The following OSBPL10 variants were observed in gnomAD, a reference collection of about 807,000 sequenced individuals.
OSBPL10 encodes oxysterol-binding protein-related protein 10.
A neutral mutation model predicts 81.7 loss-of-function variants in OSBPL10; 49 were observed. The ratio of observed to expected loss-of-function variants is 0.60; its 90% CI spans 0.48 to 0.76. The LOEUF is 0.76. OSBPL10 is among the 30% of genes least tolerant of loss of function. The pLI, the probability that OSBPL10 is intolerant of heterozygous loss-of-function variation, is 0.00. For missense variants in OSBPL10, 923 were observed against 987.8 expected (o/e 0.93, Z 0.88); for synonymous variants, 419 against 383.6 (o/e 1.09, Z -1.08).
In OSBPL10 at chr3:31,989,389, A is replaced by G. The variant is rs199617465; in HGVS notation, n.298+57102T>C. 422 of 1,614,228 alleles carry G rather than the reference A, an allele frequency of 2.6e-4. 2 individuals are homozygous for G. The African/African-American group carries it at 4.9e-3, about 19-fold the overall frequency. On this transcript the variant is annotated intron_variant and non_coding_transcript_variant, in intron 2 of 3. Transcript: ENST00000479173. ...TCACATTGGAGATTTTTGCTTCCAG[A>G]AAATTGGGAAAGATATTCATGACTT...
intron 2 of OSBPL10, chr3:31,986,499 A>T (rs1317076505): frequency 6.6e-6 from 1 of 152,250 alleles, no homozygotes; most frequent in Non-Finnish European, 1.5e-5. Context: ...TAATCCCAGC[A>T]CTTTGGGAGG....
chr3:31,929,837 C>T (rs1048843431), intron 1 of OSBPL10, among the ~76,000 whole-genome samples: 2 of 151,304 alleles, frequency 1.3e-5, no homozygotes, highest in Non-Finnish European at 2.9e-5. Context: ...TCAACAGATA[C>T]AGCCATAGTT....
At chr3:31,883,076 G>A (rs1247061201) in intron 1 of OSBPL10, among the ~76,000 whole-genome samples, 5 of 151,996 alleles carry the variant, frequency 3.3e-5, no homozygotes, top group East Asian at 1.9e-4. Context: ...TTCTGACTGC[G>A]GCTGTGCAGA....
At chr3:31,925,415 T>A (rs1233006174) in intron 1 of OSBPL10, among the ~76,000 whole-genome samples, 1 of 151,778 alleles carries the variant, frequency 6.6e-6, no homozygotes, top group Non-Finnish European at 1.5e-5. Flanking sequence ...CTTAAACACA[T>A]CACTTGCCCA....
At chr3:31,945,435 T>A (rs529394817) in intron 1 of OSBPL10, among the ~76,000 whole-genome samples, 4 of 152,208 alleles carry the variant, frequency 2.6e-5, no homozygotes, top group Non-Finnish European at 5.9e-5. Flanking sequence ...TCAAGCCCAC[T>A]TGCTTTGACC....
intron 1 of OSBPL10, among the ~76,000 whole-genome samples, chr3:31,977,105 CT>C (rs1698714184): frequency 6.6e-6 from 1 of 152,170 alleles, no homozygotes; most frequent in Non-Finnish European, 1.5e-5. Context: ...AAACAGAACT[CT>C]TGGCCAAGCC....
chr3:31,682,825 C>G (rs1700685574), intron 8 of OSBPL10, among the ~76,000 whole-genome samples: 1 of 152,152 alleles, frequency 6.6e-6, no homozygotes, highest in Admixed American at 6.5e-5. Context: ...TAAGGCAATG[C>G]CAAGCATCTA....
chr3:31,918,403 A>G (rs984839898), intron 1 of OSBPL10, among the ~76,000 whole-genome samples: 1 of 151,438 alleles, frequency 6.6e-6, no homozygotes, highest in Non-Finnish European at 1.5e-5. Context: ...ATCATAGCTC[A>G]CTGTAGCCTC....
intron 6 of OSBPL10, among the ~76,000 whole-genome samples, chr3:31,723,538 T>A (rs7613784): frequency 0.095 from 13,654 of 144,208 alleles, 1,532 homozygotes; most frequent in African/African-American, 0.3. Context: ...GCTCTGTTTC[T>A]TACACACACA....
chr3:31,987,847 G>A (rs1384630652), intron 2 of OSBPL10, among the ~76,000 whole-genome samples: 2 of 152,216 alleles, frequency 1.3e-5, no homozygotes, highest in South Asian at 4.1e-4. Context: ...TCACCTCCAA[G>A]TGGATCAGAA....
At chr3:31,989,904 C>A (rs1315311799) in intron 2 of OSBPL10, 23 of 1,614,076 alleles carry the variant, frequency 1.4e-5, no homozygotes, top group Non-Finnish European at 1.9e-5. Flanking sequence ...ACCTTGCATG[C>A]CATCATAGAT....
At position 31,683,808 on chromosome 3, in the gene OSBPL10, C is replaced by T. The variant is rs142316297; in HGVS notation, c.1552G>A (p.Asp518Asn). The T allele has an allele frequency of 5.1e-5, 83 of 1,614,054 alleles. No homozygotes were observed. Among genetic ancestry groups the T allele is most frequent in the Admixed American group, 1.8e-4 (11 of 59,996 alleles). ...AGTTTGTAGCTTTTGGAAGGGTCAT[C>T]GGCCATTGGGTGTTCGTGACAGCTG... is the stretch of plus-strand genomic sequence containing the variant. ...PASCHEHPMA[D>N]DPSKSYKLRF... Residue 518 changes from aspartate (D) to asparagine (N), a missense_variant, in exon 8 of 12, where the codon GAT becomes AAT. Transcript: ENST00000396556.
intron 11 of OSBPL10, chr3:31,662,477 T>A: frequency 9.7e-7 from 1 of 1,031,502 alleles, no homozygotes; most frequent in South Asian, 3.9e-5. Flanking sequence ...GGCAAGGGTG[T>A]GCATACCAGT....
chr3:32,044,667 G>A (rs1699607304), intron 2 of OSBPL10, among the ~76,000 whole-genome samples: 1 of 150,076 alleles, frequency 6.7e-6, no homozygotes. Flanking sequence ...CTTGAACCCG[G>A]GAGGCAGAGG....
At chr3:31,667,676 T>C (rs1444926537) in intron 10 of OSBPL10, among the ~76,000 whole-genome samples, 5 of 152,222 alleles carry the variant, frequency 3.3e-5, no homozygotes, top group Non-Finnish European at 7.3e-5. Flanking sequence ...AAGTAAACAT[T>C]TTAGGCTTTG....
Position 31,683,861 on chromosome 3 carries a change from G to A in OSBPL10, c.1499C>T (p.Pro500Leu). Residue 500 changes from proline to leucine, a missense_variant, in exon 8 of 12, where the codon CCT becomes CTT. Physicochemically the swap from Pro to Leu is moderately conservative, Grantham distance 98 (BLOSUM62 -3). Around this residue, in one of 3 missense-constraint regions of OSBPL10, gnomAD observed 387 missense variants for 436.3 expected, o/e 0.89. Transcript: ENST00000396556. ...AGGAGAGCGGGAAGCAGTCCTCTTA[G>A]GCTTGACCCTGTCCTTGGGAACTTC... ...SWEVPKDRVK[P>L]KRTASRSPAS... 1.2e-6 allele frequency: 2 copies of A among 1,614,236 alleles called. No homozygotes were observed.
intron 4 of OSBPL10, among the ~76,000 whole-genome samples, chr3:31,789,531 A>T (rs1402457749): frequency 1.3e-5 from 2 of 152,196 alleles, no homozygotes; most frequent in Non-Finnish European, 2.9e-5. Context: ...CCAGGAAAGG[A>T]CTCAGAACTC....
chr3:31,855,259 C>G (rs1207469692), intron 3 of OSBPL10, among the ~76,000 whole-genome samples: 1 of 152,116 alleles, frequency 6.6e-6, no homozygotes, highest in Non-Finnish European at 1.5e-5. Context: ...TGGGCTAAAG[C>G]AATTCATACA....
At chr3:31,919,884 T>A (rs553546703) in intron 1 of OSBPL10, among the ~76,000 whole-genome samples, 14 of 152,354 alleles carry the variant, frequency 9.2e-5, no homozygotes, top group Admixed American at 2.0e-4. Flanking sequence ...ATAATGGCAC[T>A]AATAGTGCAG....
Sources: allele counts gnomAD v4.1 joint callset (sites outside exome capture counted in the v4.1 genomes callset), GRCh38; gene constraint gnomAD v4.1.1; regional missense constraint gnomAD v4.1.1; transcripts MANE v1.5; gene names NCBI Gene and HGNC (gene_info 2026-07-23, HGNC 2026-07-21).